MSRB3: variants seen among roughly 807,000 people sequenced by gnomAD.
The protein encoded by MSRB3 is methionine-R-sulfoxide reductase B3.
Under a neutral mutation model 21.0 loss-of-function variants are expected in MSRB3, and 13 were observed. The observed-to-expected ratio is 0.62, with a 90% confidence interval of 0.40 to 0.98. The LOEUF (loss-of-function observed/expected upper bound fraction) is 0.98, where lower values mean the gene tolerates loss of function less well. Among genes scored for constraint, MSRB3 ranks in the 50% least tolerant of loss-of-function variants. MSRB3 has a pLI of 0.00. For missense variants in MSRB3, 199 were observed against 230.3 expected (o/e 0.86, Z 0.88); for synonymous variants, 87 against 88.6 (o/e 0.98, Z 0.10).
At chr12:65,330,072 C>T (rs1427319374) in intron 4 of MSRB3, among the ~76,000 whole-genome samples, 1 of 152,160 alleles carries the variant, frequency 6.6e-6, no homozygotes, top group Non-Finnish European at 1.5e-5. Context: ...GTTAATATCC[C>T]AAATGGTAAA....
intron 5 of MSRB3, among the ~76,000 whole-genome samples, chr12:65,388,527 C>T (rs148729893): frequency 2.8e-4 from 42 of 152,276 alleles, no homozygotes; most frequent in African/African-American, 9.6e-4. Flanking sequence ...TATCTAAATC[C>T]ACTTGTGTAA....
At chr12:65,456,803 G>A (rs1046278775) in intron 6 of MSRB3, among the ~76,000 whole-genome samples, 6 of 152,190 alleles carry the variant, frequency 3.9e-5, no homozygotes, top group Admixed American at 2.0e-4. Context: ...AGAGAATGAG[G>A]TTCCAGCACT....
chr12:65,409,041 G>A (rs550041741), intron 5 of MSRB3, among the ~76,000 whole-genome samples: 3 of 152,006 alleles, frequency 2.0e-5, no homozygotes, highest in Non-Finnish European at 2.9e-5. Flanking sequence ...TTCCAAAAAT[G>A]GGCCTCTCTG....
chr12:65,400,150 T>C (rs1880041534), intron 5 of MSRB3, among the ~76,000 whole-genome samples: 1 of 152,144 alleles, frequency 6.6e-6, no homozygotes, highest in South Asian at 2.1e-4. Context: ...TCTTTTTCTA[T>C]TGTTTGGAAT....
In MSRB3 at chr12:65,308,650, C is replaced by A; in HGVS notation, c.71C>A (p.Pro24His). Residue 24 changes from proline (P) to histidine (H), a missense_variant, in exon 2 of 7, where the codon CCC becomes CAC. Coordinates refer to ENST00000308259, the MANE Select transcript of MSRB3 (RefSeq NM_001031679.3). ...GTAGCCCTTCGAGCCTGTGGGCTTC[C>A]CTCAGGTTGCTGCTTGTTGTACTGT... ...QPVALRACGL[P>H]SGSCRDKKNC... is the part of the protein sequence containing the mutation. 1 of 1,613,930 alleles carries A rather than the reference C, an allele frequency of 6.2e-7. No homozygotes were observed. The highest frequency in any genetic ancestry group is 8.5e-7 in the Non-Finnish European group (1 of 1,179,888).
At position 65,422,385 on chromosome 12, in the gene MSRB3, A is replaced by G. The variant is rs1168290550; in HGVS notation, c.293-31343A>G. Among the ~76,000 whole-genome samples the G allele has an allele frequency of 2.8e-5, 3 of 106,524 alleles. 1 individual carries two copies. The highest frequency in any genetic ancestry group is 1.1e-4 in the Admixed American group (1 of 8,948). 69.9% of individuals were successfully genotyped at this position (106,524 alleles called of 152,430 possible). ...TTTAATTTTTAATTTTTGGGAGTAC[A>G]TAGTATATATATATATATATATATA... On this transcript the variant is annotated intron_variant, in intron 5 of 6. Transcript: ENST00000308259.
intron 4 of MSRB3, among the ~76,000 whole-genome samples, chr12:65,366,584 A>G (rs1592569352): frequency 6.6e-6 from 1 of 152,268 alleles, no homozygotes; most frequent in East Asian, 1.9e-4. Context: ...GAAAGTGAAG[A>G]TAGAGAGGAG....
rs951132908 is a variant in MSRB3 at position 65,463,537 on chromosome 12, A to G, written c.*215A>G. The G allele has an allele frequency of 3.5e-6, 2 of 572,200 alleles. No individual in the cohort carries two copies. Among genetic ancestry groups the G allele is most frequent in the African/African-American group, 1.9e-5 (1 of 53,318 alleles). The allele number at this position is 572,200 out of a possible 1,614,324, so 35.4% of individuals were successfully genotyped here. A position where few individuals can be genotyped will look rare whatever the true frequency, so the allele number is the denominator to read the frequency against. On this transcript the variant is annotated 3_prime_UTR_variant, in exon 7 of 7. Transcript: ENST00000308259. ...CTGTTTATAGCTTTAGCAAATGGAG[A>G]CAGCTTTGTGAAACTTCTTCACAAG... is the stretch of plus-strand genomic sequence containing the variant.
At chr12:65,398,764 C>T (rs1478850735) in intron 5 of MSRB3, among the ~76,000 whole-genome samples, 1 of 152,110 alleles carries the variant, frequency 6.6e-6, no homozygotes, top group Non-Finnish European at 1.5e-5. Context: ...GCCTCTAATT[C>T]ATCTTGAGTT....
chr12:65,464,574 A>T lies in MSRB3; in HGVS notation c.*1252A>T, dbSNP rs1240296764. ...CCTTTTTATAAGTCCTTCTCTCCAC[A>T]CCTAAAAGCAGCTGCAGCTGGAAGG... is the stretch of plus-strand genomic sequence containing the variant. On this transcript the variant is annotated 3_prime_UTR_variant, in exon 7 of 7. Coordinates refer to ENST00000308259, the MANE Select transcript of MSRB3 (RefSeq NM_001031679.3). The T allele has an allele frequency of 2.0e-5, 3 of 152,228 alleles. No homozygotes were observed. The highest frequency in any genetic ancestry group is 4.8e-5 in the African/African-American group (2 of 41,436). 9.4% of individuals were successfully genotyped at this position (152,228 alleles called of 1,614,324 possible). A position where few individuals can be genotyped will look rare whatever the true frequency, so the allele number is the denominator to read the frequency against.
Position 65,403,668 on chromosome 12 carries a change from G to T in MSRB3, c.292+34642G>T, listed in dbSNP as rs180981847. On this transcript the variant is annotated intron_variant, in intron 5 of 6. Coordinates refer to ENST00000308259, the MANE Select transcript of MSRB3 (RefSeq NM_001031679.3). ...CACTGGGGTATGAAAAAAAACTCCT[G>T]CAGCAGCTTGGTGTCTGCCCAAATG... is the stretch of plus-strand genomic sequence containing the variant. Among the ~76,000 whole-genome samples the T allele has an allele frequency of 4.8e-3, 732 of 152,268 alleles. 3 individuals are homozygous for T. Among genetic ancestry groups the T allele is most frequent in the Non-Finnish European group, 8.7e-3 (590 of 68,006 alleles).
chr12:65,379,168 TTCCA>T (rs58173378), intron 5 of MSRB3, among the ~76,000 whole-genome samples: 43,623 of 148,220 alleles, frequency 0.29, 6,519 homozygotes, highest in African/African-American at 0.33. Context: ...TCAACCATCC[TTCCA>T]TCCATCCATC....
intron 5 of MSRB3, among the ~76,000 whole-genome samples, chr12:65,429,710 A>G (rs977431272): frequency 1.3e-5 from 2 of 152,176 alleles, no homozygotes; most frequent in Non-Finnish European, 2.9e-5. Flanking sequence ...GAAATATTAA[A>G]GGAAGGAAAT....
intron 4 of MSRB3, among the ~76,000 whole-genome samples, chr12:65,364,170 G>T (rs949144051): frequency 1.3e-5 from 2 of 152,054 alleles, no homozygotes. Context: ...GAAGGGAAGG[G>T]TACATTCCTT....
At chr12:65,336,176 A>C (rs1417541524) in intron 4 of MSRB3, among the ~76,000 whole-genome samples, 2 of 152,182 alleles carry the variant, frequency 1.3e-5, no homozygotes, top group Non-Finnish European at 2.9e-5. Flanking sequence ...CTACAGCTGG[A>C]TTGGAAGAAA....
At chr12:65,411,350 A>G (rs1880706173) in intron 5 of MSRB3, among the ~76,000 whole-genome samples, 1 of 152,124 alleles carries the variant, frequency 6.6e-6, no homozygotes, top group African/African-American at 2.4e-5. Flanking sequence ...GTTACTTTTT[A>G]TATGTTTTAC....
At chr12:65,340,835 G>A (rs1183603642) in intron 4 of MSRB3, among the ~76,000 whole-genome samples, 1 of 151,974 alleles carries the variant, frequency 6.6e-6, no homozygotes, top group Non-Finnish European at 1.5e-5. Context: ...TCTCAGTGAG[G>A]TGGGTAATTT....
In MSRB3 at chr12:65,456,218, C is replaced by T. The variant is rs181651409; in HGVS notation, c.390+2393C>T. Among the ~76,000 whole-genome samples, 618 of 152,210 alleles carry T rather than the reference C, an allele frequency of 4.1e-3. 6 individuals are homozygous for T. Among genetic ancestry groups the T allele is most frequent in the Non-Finnish European group, 3.2e-3 (221 of 68,000 alleles). On this transcript the variant is annotated intron_variant, in intron 6 of 6. Coordinates refer to ENST00000308259, the MANE Select transcript of MSRB3 (RefSeq NM_001031679.3). ...CTTTTTCAAGCTACAAATGCTGTTA[C>T]GTGATCGTTTTAACTCGTTTTCACT...
At chr12:65,301,182 G>A (rs1873309670) in intron 1 of MSRB3, among the ~76,000 whole-genome samples, 1 of 152,026 alleles carries the variant, frequency 6.6e-6, no homozygotes, top group Non-Finnish European at 1.5e-5. Flanking sequence ...ATGTATACAT[G>A]CAAATATTAA....
Sources: allele counts gnomAD v4.1 joint callset (sites outside exome capture counted in the v4.1 genomes callset), GRCh38; gene constraint gnomAD v4.1.1; transcripts MANE v1.5; gene names NCBI Gene and HGNC (gene_info 2026-07-23, HGNC 2026-07-21).